Variants in ZNF138 observed in about 807,000 individuals in gnomAD.
The protein encoded by ZNF138 is zinc finger protein 138 (clone pHZ-32).
In ZNF138, 33 loss-of-function variants were observed where a neutral mutation model predicts 33.0. The observed-to-expected ratio is 1.00, with a 90% CI of 0.76 to 1.34. The LOEUF (loss-of-function observed/expected upper bound fraction) is 1.34, where lower values mean the gene tolerates loss of function less well. Among genes scored for constraint, ZNF138 ranks in the 40% most tolerant of loss-of-function variants. The probability of loss-of-function intolerance (pLI) is 0.00; values close to 1 mark genes in which losing one functional copy is unlikely to be tolerated. For synonymous variants in ZNF138, 139 were observed against 120.4 expected (o/e 1.15, Z -1.01); for missense variants, 360 against 370.8 (o/e 0.97, Z 0.24).
Position 64,832,491 on chromosome 7 carries a change from A to G in ZNF138, c.*289A>G. The G allele has an allele frequency of 9.1e-7, 1 of 1,101,812 alleles. No individual in the cohort carries two copies. The allele number at this position is 1,101,812 out of a possible 1,614,324, so 68.3% of individuals were successfully genotyped here. Reference sequence around the variant, plus strand: ...ACATAAGAAAATTCATACTGGGGAGAAACCCCACAAATGTGGAGAATGCGG... The same window carrying G: ...ACATAAGAAAATTCATACTGGGGAGGAACCCCACAAATGTGGAGAATGCGG... On this transcript the variant is annotated 3_prime_UTR_variant, in exon 4 of 4. Coordinates refer to ENST00000307355, the MANE Select transcript of ZNF138 (RefSeq NM_001271639.2).
At chr7:64,852,793 G>T in the ZNF138 span, 1 of 843,966 alleles carries the variant, frequency 1.2e-6, no homozygotes, top group Non-Finnish European at 2.1e-6. Flanking sequence ...GTACTGCATT[G>T]TCTGGCATGA....
chr7:64,832,373 G>A lies in ZNF138; in HGVS notation c.*171G>A. The A allele has an allele frequency of 6.5e-7, 1 of 1,533,030 alleles. No homozygotes were observed. 95.0% of individuals were successfully genotyped at this position (1,533,030 alleles called of 1,614,324 possible). A position where few individuals can be genotyped will look rare whatever the true frequency, so the allele number is the denominator to read the frequency against. On this transcript the variant is annotated 3_prime_UTR_variant, in exon 4 of 4. Transcript: ENST00000307355. ...GCAGAGCTTTTAACCAGTCCGCAAA[G>A]CTCACTGAACATAAGTTAATTCATA...
chr7:64,809,625 G>T (rs1787956247), intron 1 of ZNF138, among the ~76,000 whole-genome samples: 1 of 149,826 alleles, frequency 6.7e-6, no homozygotes, highest in Admixed American at 6.6e-5. Flanking sequence ...CCCAGACGGG[G>T]TGGCTGCCGG....
At chr7:64,815,536 C>A in intron 2 of ZNF138, 40 bp from the exon 3 acceptor site, 1 of 1,580,848 alleles carries the variant, frequency 6.3e-7, no homozygotes, top group Non-Finnish European at 8.6e-7. Context: ...AGTCATGTTA[C>A]TTATTTTTAA....
At chr7:64,823,863 C>T (rs1307212985) in intron 3 of ZNF138, among the ~76,000 whole-genome samples, 3 of 152,064 alleles carry the variant, frequency 2.0e-5, no homozygotes, top group South Asian at 4.1e-4. Context: ...ACTTGAACAC[C>T]GGAAGCAGAG....
the ZNF138 span, among the ~76,000 whole-genome samples, chr7:64,849,177 A>G: frequency 1.5e-4 from 23 of 152,198 alleles, no homozygotes; most frequent in East Asian, 3.9e-4. Flanking sequence ...TTTCCTATCA[A>G]TGTGGCTTCT....
At chr7:64,796,145 C>T (rs1018869174) in intron 1 of ZNF138, among the ~76,000 whole-genome samples, 2 of 152,188 alleles carry the variant, frequency 1.3e-5, no homozygotes, top group Non-Finnish European at 2.9e-5. Flanking sequence ...ATAATTTCGG[C>T]CCACTGGATT....
At position 64,821,057 on chromosome 7, in the gene ZNF138, G is replaced by T. The variant is rs199694845; in HGVS notation, c.208+5404G>T. ...ATTGTTTTTTTTTGTTTTGTTTTTG[G>T]TTTTTTTGTTTTGTTTTGTTTTTTG... On this transcript the variant is annotated intron_variant, in intron 3 of 3. Transcript: ENST00000307355. Among the ~76,000 whole-genome samples, 262 of 146,714 alleles carry T rather than the reference G, an allele frequency of 1.8e-3. 10 individuals are homozygous for T. Among genetic ancestry groups the T allele is most frequent in the Middle Eastern group, 0.01 (3 of 290 alleles).
At chr7:64,801,013 G>C (rs1039131871) in intron 1 of ZNF138, among the ~76,000 whole-genome samples, 1 of 151,900 alleles carries the variant, frequency 6.6e-6, no homozygotes, top group African/African-American at 2.4e-5. Flanking sequence ...TATTTTTCTG[G>C]GGTCAGTGGT....
chr7:64,822,788 A>G (rs1335058970), intron 3 of ZNF138, among the ~76,000 whole-genome samples: 1 of 152,308 alleles, frequency 6.6e-6, no homozygotes, highest in East Asian at 1.9e-4. Flanking sequence ...CTATTTCTGT[A>G]AAAAGATTGC....
intron 3 of ZNF138, among the ~76,000 whole-genome samples, chr7:64,828,520 G>A (rs939919649): frequency 2.0e-5 from 3 of 152,056 alleles, no homozygotes; most frequent in South Asian, 2.1e-4. Context: ...TGAAAAATGA[G>A]TGATATTTTA....
At chr7:64,856,823 C>T in the ZNF138 span, among the ~76,000 whole-genome samples, 2 of 1,772 alleles carry the variant, frequency 1.1e-3, no homozygotes, top group African/African-American at 1.2e-3. Flanking sequence ...TGAGGGGCGC[C>T]TCTGCCCGGC....
rs1790022667 is a variant in ZNF138 at position 64,830,843 on chromosome 7, G to A, written c.209-608G>A. The A allele has an allele frequency of 2.3e-6, 3 of 1,323,228 alleles. No homozygotes were observed. The African/African-American group carries it at 4.5e-5, about 20-fold the overall frequency. 82.0% of individuals were successfully genotyped at this position (1,323,228 alleles called of 1,614,324 possible). ...TCTTTCAGACATGTTCTTAGGATGT[G>A]TCAGGTCTGAAATTTTTTAGGGTTT... On this transcript the variant is annotated intron_variant, in intron 3 of 3. Transcript: ENST00000307355.
chr7:64,835,133 G>A (rs1228498079), downstream of ZNF138: 13 of 151,886 alleles, frequency 8.6e-5, no homozygotes, highest in Non-Finnish European at 1.3e-4. Context: ...GTGGGCATGC[G>A]CGTTAGTCGG....
At position 64,832,931 on chromosome 7, in the gene ZNF138, A is replaced by T. The variant is rs964139163; in HGVS notation, c.*729A>T. ...GAATGAAACCCTACAAATGTGAACG[A>T]TGTGGCAGTTGTTTTAACTAGTTCT... On this transcript the variant is annotated 3_prime_UTR_variant, in exon 4 of 4. Transcript: ENST00000307355. 7.7e-6 allele frequency: 3 copies of T among 387,546 alleles called. No individual in the cohort carries two copies. The highest frequency in any genetic ancestry group is 6.3e-5 in the African/African-American group (3 of 47,740). The allele number at this position is 387,546 out of a possible 1,614,324, so 24.0% of individuals were successfully genotyped here.
At position 64,831,647 on chromosome 7, in the gene ZNF138, A is replaced by C; in HGVS notation, c.405A>C (p.Thr135=). 1 of 1,608,634 alleles carries C rather than the reference A, an allele frequency of 6.2e-7. No individual in the cohort carries two copies. Among genetic ancestry groups the C allele is most frequent in the East Asian group, 2.2e-5 (1 of 44,822 alleles). Residue 135 remains threonine, a synonymous_variant, in exon 4 of 4, where the codon ACA becomes ACC. Transcript: ENST00000307355. ...NGLNQCLKIT[T]SKIFQCNKYV... ...TTAACCAATGTTTGAAAATTACCAC[A>C]AGCAAAATATTTCAATGTAATAAAT...
intron 3 of ZNF138, among the ~76,000 whole-genome samples, chr7:64,829,772 T>A (rs1789931854): frequency 6.6e-6 from 1 of 151,950 alleles, no homozygotes; most frequent in Non-Finnish European, 1.5e-5. Context: ...TGCTAAGGAA[T>A]TCCATTTTTG....
At chr7:64,818,935 A>G (rs981633465) in intron 3 of ZNF138, among the ~76,000 whole-genome samples, 3 of 152,188 alleles carry the variant, frequency 2.0e-5, no homozygotes, top group Non-Finnish European at 2.9e-5. Context: ...TGTTACACCA[A>G]TATTACAAGC....
downstream of ZNF138, among the ~76,000 whole-genome samples, chr7:64,834,805 G>T (rs532996999): frequency 7.9e-5 from 12 of 152,166 alleles, no homozygotes; most frequent in South Asian, 2.1e-3. Context: ...AGTATTCTGC[G>T]TTATACTCCA....
Sources: allele counts gnomAD v4.1 joint callset (sites outside exome capture counted in the v4.1 genomes callset), GRCh38; gene constraint gnomAD v4.1.1; transcripts MANE v1.5; gene names NCBI Gene and HGNC (gene_info 2026-07-23, HGNC 2026-07-21).